The following TRIM49B variants were observed in gnomAD, a reference collection of about 807,000 sequenced individuals.
TRIM49B encodes the protein tripartite motif containing 49B.
A neutral mutation model predicts 31.8 loss-of-function variants in TRIM49B; 18 were observed. The ratio of observed to expected loss-of-function variants is 0.57; its 90% CI spans 0.39 to 0.84. The LOEUF (loss-of-function observed/expected upper bound fraction) is 0.84, where lower values mean the gene tolerates loss of function less well. TRIM49B is among the 40% of genes least tolerant of loss of function. TRIM49B has a pLI of 0.00. For missense variants in TRIM49B, 494 were observed against 538.7 expected (o/e 0.92, Z 0.82); for synonymous variants, 196 against 180.6 (o/e 1.09, Z -0.68).
In TRIM49B at chr11:49,038,070, G is replaced by A. The variant is rs2134704224; in HGVS notation, c.*93G>A. The A allele has an allele frequency of 1.3e-6, 2 of 1,557,832 alleles. No individual in the cohort carries two copies. The highest frequency in any genetic ancestry group is 4.5e-5 in the East Asian group (2 of 44,686). Reference sequence around the variant, plus strand: ...TGTGCCTTAACATACAGGACAAATAGGCTCTATTTTATATCTTGAATTGCC... The same window carrying A: ...TGTGCCTTAACATACAGGACAAATAAGCTCTATTTTATATCTTGAATTGCC... On this transcript the variant is annotated 3_prime_UTR_variant, in exon 7 of 7. Transcript: ENST00000332682.
Position 49,034,387 on chromosome 11 carries a change from G to T in TRIM49B, c.738+11G>T, listed in dbSNP as rs769919648. ...GTGGAGCTACTTCAGGTACAAACTC[G>T]CCATGTGGTTTCAGGTTTTTGAATA... On this transcript the variant is annotated intron_variant, in intron 4 of 6. Transcript: ENST00000332682. The T allele has an allele frequency of 2.8e-5, 45 of 1,611,778 alleles. No individual in the cohort carries two copies. In the South Asian group the frequency reaches 4.1e-4, roughly 15 times the overall value.
chr11:49,034,325 G>A lies in TRIM49B; in HGVS notation c.687G>A (p.Met229Ile), dbSNP rs1476016190. 6.2e-7 allele frequency: 1 copy of A among 1,612,000 alleles called. No homozygotes were observed. Among genetic ancestry groups the A allele is most frequent in the Non-Finnish European group, 8.5e-7 (1 of 1,179,822 alleles). Residue 229 changes from methionine (M) to isoleucine (I), a missense_variant, in exon 4 of 7, where the codon ATG (methionine) becomes ATA (isoleucine). Coordinates refer to ENST00000332682, the MANE Select transcript of TRIM49B (RefSeq NM_001206626.2). Reference protein sequence around the residue: ...MAHRREILRGMYEELNEMCHK... With the variant: ...MAHRREILRGIYEELNEMCHK... ...ATAGGAGGGAGATTTTAAGAGGAAT[G>A]TATGAGGAGCTGAACGAAATGTGCC... is the stretch of plus-strand genomic sequence containing the variant.
chr11:49,035,429 G>A (rs1185384127), intron 5 of TRIM49B, among the ~76,000 whole-genome samples: 4 of 132,032 alleles, frequency 3.0e-5, no homozygotes, highest in Admixed American at 9.4e-5. Context: ...GCGCGATCTC[G>A]GCTCACTGCA....
At chr11:49,031,103 T>G (rs1283066568) in intron 1 of TRIM49B, among the ~76,000 whole-genome samples, 1 of 152,064 alleles carries the variant, frequency 6.6e-6, no homozygotes, top group Non-Finnish European at 1.5e-5. Flanking sequence ...TAGGTAAACT[T>G]GTGCCATGGT....
intron 1 of TRIM49B, among the ~76,000 whole-genome samples, chr11:49,029,835 T>C (rs1306865766): frequency 6.6e-6 from 1 of 152,214 alleles, no homozygotes; most frequent in Non-Finnish European, 1.5e-5. Flanking sequence ...AATACCAATA[T>C]GTTTACTGTA....
rs373357772 is a variant in TRIM49B at position 49,031,489 on chromosome 11, A to G, written c.-4-107A>G. The G allele has an allele frequency of 4.2e-5, 64 of 1,525,320 alleles. No homozygotes were observed. The East Asian group carries it at 1.1e-3, about 25-fold the overall frequency. 94.5% of individuals were successfully genotyped at this position (1,525,320 alleles called of 1,614,324 possible). A position where few individuals can be genotyped will look rare whatever the true frequency, so the allele number is the denominator to read the frequency against. On this transcript the variant is annotated intron_variant, in intron 1 of 6. Coordinates refer to ENST00000332682, the MANE Select transcript of TRIM49B (RefSeq NM_001206626.2). ...AGAAGAAATAGTTTGTTGTACTTTA[A>G]TGAACACTGTCAAGAGAAGAAAATA...
intron 1 of TRIM49B, among the ~76,000 whole-genome samples, chr11:49,031,225 C>G (rs1453252012): frequency 1.3e-5 from 2 of 152,060 alleles, no homozygotes; most frequent in Non-Finnish European, 2.9e-5. Flanking sequence ...TTTTTTCCCA[C>G]TCTTTCATAG....
In TRIM49B at chr11:49,037,657, G is replaced by T. The variant is rs1854550234; in HGVS notation, c.1039G>T (p.Val347Leu). The part of the protein sequence containing the change: ...TSGKYYWEVH[V>L]GDSWNWAFGV... ...GGGCAAATATTACTGGGAGGTCCAT[G>T]TAGGGGACTCCTGGAATTGGGCTTT... is the stretch of plus-strand genomic sequence containing the variant. The change falls in exon 7 of 7, where the codon GTA becomes TTA. Residue 347 changes from valine to leucine, a missense_variant. Transcript: ENST00000332682. 7 of 1,613,964 alleles carry T rather than the reference G, an allele frequency of 4.3e-6. No individual in the cohort carries two copies. The highest frequency in any genetic ancestry group is 5.9e-6 in the Non-Finnish European group (7 of 1,179,868).
At chr11:49,036,812 A>AT (rs1180688868) in intron 6 of TRIM49B, among the ~76,000 whole-genome samples, 1 of 152,070 alleles carries the variant, frequency 6.6e-6, no homozygotes, top group Non-Finnish European at 1.5e-5. Flanking sequence ...GGGGTTTTGT[A>AT]TTTTTTTAAT....
At chr11:49,037,000 C>T (rs563383065) in intron 6 of TRIM49B, among the ~76,000 whole-genome samples, 1 of 152,264 alleles carries the variant, frequency 6.6e-6, no homozygotes. Flanking sequence ...GCATGGAGGA[C>T]AGCAGAGAGA....
At chr11:49,033,274 G>A (rs889438547) in intron 3 of TRIM49B, among the ~76,000 whole-genome samples, 1 of 152,148 alleles carries the variant, frequency 6.6e-6, no homozygotes, top group Non-Finnish European at 1.5e-5. Context: ...AAGCAGGGAA[G>A]TAGAAAAGGA....
In TRIM49B at chr11:49,034,303, G is replaced by A. The variant is rs770998844; in HGVS notation, c.665G>A (p.Arg222Lys). 5.0e-6 allele frequency: 8 copies of A among 1,611,884 alleles called. No homozygotes were observed. The African/African-American group carries it at 1.1e-4, about 22-fold the overall frequency. ...LHLSKAKMAH[R>K]REILRGMYEE... ...TTAAGTAAAGCCAAAATGGCTCATAGGAGGGAGATTTTAAGAGGAATGTAT... is the reference window on the plus strand; with the variant it reads ...TTAAGTAAAGCCAAAATGGCTCATAAGAGGGAGATTTTAAGAGGAATGTAT... The change falls in exon 4 of 7, where the codon AGG (arginine) becomes AAG (lysine). Residue 222 changes from arginine (R) to lysine (K), a missense_variant. Physicochemically the swap from Arg to Lys is conservative, Grantham distance 26. This residue lies in a region of TRIM49B where 233 missense variants were observed against 281.4 expected (regional missense o/e 0.83). Transcript: ENST00000332682.
intron 1 of TRIM49B, among the ~76,000 whole-genome samples, chr11:49,029,322 A>C (rs1334749320): frequency 6.6e-6 from 1 of 152,168 alleles, no homozygotes; most frequent in Non-Finnish European, 1.5e-5. Flanking sequence ...TTAATGAATG[A>C]TGAGGTTATT....
chr11:49,038,081 A>G lies in TRIM49B; in HGVS notation c.*104A>G. 2.6e-6 allele frequency: 4 copies of G among 1,557,114 alleles called. No individual in the cohort carries two copies. The highest frequency in any genetic ancestry group is 2.6e-6 in the Non-Finnish European group (3 of 1,160,520). On this transcript the variant is annotated 3_prime_UTR_variant, in exon 7 of 7. Coordinates refer to ENST00000332682, the MANE Select transcript of TRIM49B (RefSeq NM_001206626.2). ...ATACAGGACAAATAGGCTCTATTTT[A>G]TATCTTGAATTGCCTTCTAATGTTA...
chr11:49,030,968 G>GTCTTTT (rs974573087), intron 1 of TRIM49B, among the ~76,000 whole-genome samples: 1 of 49,242 alleles, frequency 2.0e-5, no homozygotes, highest in Non-Finnish European at 4.5e-5. Context: ...TTTAATTGCA[G>GTCTTTT]TCTTTTTCTT....
At chr11:49,036,043 C>T (rs1590636431) in intron 5 of TRIM49B, among the ~76,000 whole-genome samples, 1 of 145,824 alleles carries the variant, frequency 6.9e-6, no homozygotes, top group Non-Finnish European at 1.5e-5. Context: ...TAAATATTCT[C>T]AAGGCCATAA....
chr11:49,030,575 GAGGA>G (rs1237799531), intron 1 of TRIM49B, among the ~76,000 whole-genome samples: 2 of 152,072 alleles, frequency 1.3e-5, no homozygotes, highest in Non-Finnish European at 2.9e-5. Context: ...GAGAGAGACG[GAGGA>G]AGTTGCCTTT....
rs760928683 is a variant in TRIM49B, at chr11:49,037,708, G to A, written c.1090G>A (p.Glu364Lys). The A allele has an allele frequency of 3.7e-6, 6 of 1,613,828 alleles. No individual in the cohort carries two copies. The African/African-American group carries it at 8.0e-5, about 22-fold the overall frequency. ...TGGTGTCTGTAATATGTATTGGAAAGAGAAGAATCAGAATGAGAAGATAGA... is the reference window on the plus strand; with the variant it reads ...TGGTGTCTGTAATATGTATTGGAAAAAGAAGAATCAGAATGAGAAGATAGA... ...AFGVCNMYWK[E>K]KNQNEKIDGE... Residue 364 changes from glutamate to lysine, a missense_variant, in exon 7 of 7, where the codon GAG becomes AAG. Physicochemically the swap from Glu to Lys is moderately conservative, Grantham distance 56. Transcript: ENST00000332682.
rs527418767 is a variant in TRIM49B at position 49,029,865 on chromosome 11, T to C, written c.-5+890T>C. On this transcript the variant is annotated intron_variant, in intron 1 of 6. Transcript: ENST00000332682. ...ACTGTACCTTTTCTGTATTCAATTATGTTTAGATACACAAATAGTTATCAT... is the reference window on the plus strand; with the variant it reads ...ACTGTACCTTTTCTGTATTCAATTACGTTTAGATACACAAATAGTTATCAT... Among the ~76,000 whole-genome samples the C allele has an allele frequency of 9.8e-5, 15 of 152,300 alleles. No homozygotes were observed. The East Asian group carries it at 1.9e-3, about 20-fold the overall frequency.
Sources: gnomAD v4.1 joint callset for allele counts (sites outside exome capture counted in the v4.1 genomes callset) on GRCh38, gnomAD v4.1.1 for gene constraint, gnomAD v4.1.1 regional missense constraint, MANE v1.5 for transcripts, NCBI Gene and HGNC (gene_info 2026-07-23, HGNC 2026-07-21) for gene names.